Variants in CTNND2 observed in about 807,000 individuals in gnomAD.
CTNND2 encodes the protein catenin delta 2.
Under a neutral mutation model 144.4 loss-of-function variants are expected in CTNND2, and 22 were observed. The ratio of observed to expected loss-of-function variants is 0.15; its 90% confidence interval spans 0.11 to 0.22. The LOEUF is 0.22. Ranked by LOEUF, CTNND2 falls within the 10% of genes least tolerant of loss-of-function variation. The probability of loss-of-function intolerance (pLI) is 1.00; values close to 1 mark genes in which losing one functional copy is unlikely to be tolerated. For missense variants in CTNND2, 1,353 were observed against 1,618.8 expected, an observed-to-expected ratio of 0.84 and a Z score of 2.82; for synonymous variants, 751 against 695.6, an observed-to-expected ratio of 1.08 and a Z score of -1.25.
chr5:11,844,807 T>C (rs535650381), intron 1 of CTNND2, among the ~76,000 whole-genome samples: 1 of 152,242 alleles, frequency 6.6e-6, no homozygotes, highest in Non-Finnish European at 1.5e-5. Flanking sequence ...GTAAATTCCA[T>C]ATATACTAAG....
intron 2 of CTNND2, among the ~76,000 whole-genome samples, chr5:11,658,242 A>ATG (rs1360998409): frequency 3.3e-5 from 5 of 151,990 alleles, no homozygotes; most frequent in Non-Finnish European, 7.4e-5. Flanking sequence ...TCTTGTATGC[A>ATG]TGTGTGTGTG....
At chr5:11,254,293 A>G (rs1330964408) in intron 9 of CTNND2, among the ~76,000 whole-genome samples, 1 of 152,212 alleles carries the variant, frequency 6.6e-6, no homozygotes, top group Non-Finnish European at 1.5e-5. Flanking sequence ...CCCTGAATAC[A>G]TACCCTCTGC....
In CTNND2 at chr5:11,074,115, C is replaced by T. The variant is rs1295464552; in HGVS notation, c.2788+8581G>A. On this transcript the variant is annotated intron_variant, in intron 16 of 21. Transcript: ENST00000304623. The stretch of plus-strand genomic sequence containing the variant: ...TCTTTCCCTGGACGGAGGTGGGATT[C>T]GTCAGGGCCAAGAGCACAAGTAAAG... Among the ~76,000 whole-genome samples, 7 of 152,260 alleles carry T rather than the reference C, an allele frequency of 4.6e-5. No individual in the cohort carries two copies. The South Asian group carries it at 8.3e-4, about 18-fold the overall frequency.
At chr5:11,304,343 TTC>T (rs913487537) in intron 9 of CTNND2, among the ~76,000 whole-genome samples, 2 of 145,714 alleles carry the variant, frequency 1.4e-5, no homozygotes, top group African/African-American at 2.7e-5. Flanking sequence ...CACACACTCT[TTC>T]TCTCTCTCTT....
At chr5:11,641,653 TGTGTATATACATATAC>T (rs1561648507) in intron 2 of CTNND2, among the ~76,000 whole-genome samples, 2,794 of 150,274 alleles carry the variant, frequency 0.019, 180 homozygotes, top group African/African-American at 0.065. Context: ...TACATATACG[TGTGTATATACATATAC>T]GTGTGTATAT....
intron 3 of CTNND2, among the ~76,000 whole-genome samples, chr5:11,431,017 A>G (rs1200614547): frequency 6.6e-6 from 1 of 152,256 alleles, no homozygotes; most frequent in Non-Finnish European, 1.5e-5. Context: ...GAAAGAAACA[A>G]TGAATCTATA....
intron 7 of CTNND2, among the ~76,000 whole-genome samples, chr5:11,382,905 T>A (rs1758660071): frequency 6.6e-6 from 1 of 152,052 alleles, no homozygotes; most frequent in African/African-American, 2.4e-5. Context: ...TTGTCCCTTA[T>A]ACCTTCCCTG....
chr5:11,302,396 T>A (rs936331605), intron 9 of CTNND2, among the ~76,000 whole-genome samples: 5 of 152,050 alleles, frequency 3.3e-5, no homozygotes, highest in Non-Finnish European at 7.4e-5. Flanking sequence ...AGCTGAAGTC[T>A]CGGAGGGATG....
intron 9 of CTNND2, among the ~76,000 whole-genome samples, chr5:11,317,780 T>C (rs1236264043): frequency 6.6e-6 from 1 of 152,198 alleles, no homozygotes; most frequent in African/African-American, 2.4e-5. Flanking sequence ...GATTCTCTCA[T>C]GCTCAAGTAA....
intron 11 of CTNND2, among the ~76,000 whole-genome samples, chr5:11,186,856 C>T (rs1735679466): frequency 6.6e-6 from 1 of 152,196 alleles, no homozygotes; most frequent in Non-Finnish European, 1.5e-5. Context: ...AAGGACTACA[C>T]TAGTACCACA....
At chr5:11,569,335 G>T (rs1777378531) in intron 2 of CTNND2, among the ~76,000 whole-genome samples, 1 of 152,168 alleles carries the variant, frequency 6.6e-6, no homozygotes, top group African/African-American at 2.4e-5. Flanking sequence ...AAGTATTGGA[G>T]ATATGATGCA....
chr5:11,258,954 A>G (rs964823583), intron 9 of CTNND2, among the ~76,000 whole-genome samples: 2 of 152,164 alleles, frequency 1.3e-5, no homozygotes, highest in Non-Finnish European at 2.9e-5. Flanking sequence ...GAATCAGTGT[A>G]TCCTTTTTGT....
At chr5:10,986,389 C>A (rs1473957132) in intron 20 of CTNND2, among the ~76,000 whole-genome samples, 1 of 152,204 alleles carries the variant, frequency 6.6e-6, no homozygotes, top group Non-Finnish European at 1.5e-5. Flanking sequence ...GTCGATCTCA[C>A]AACTGTTCCT....
At chr5:11,484,810 AG>A (rs1478150061) in intron 3 of CTNND2, among the ~76,000 whole-genome samples, 1 of 152,216 alleles carries the variant, frequency 6.6e-6, no homozygotes, top group Non-Finnish European at 1.5e-5. Flanking sequence ...AAGACAGAAC[AG>A]TATACAAAAA....
At chr5:11,876,037 G>A (rs1364540734) in intron 1 of CTNND2, among the ~76,000 whole-genome samples, 1 of 152,182 alleles carries the variant, frequency 6.6e-6, no homozygotes, top group Admixed American at 6.5e-5. Context: ...GCTATAGCAT[G>A]ACTAAGTAAC....
chr5:11,755,036 C>G (rs1788857555), intron 1 of CTNND2, among the ~76,000 whole-genome samples: 1 of 151,574 alleles, frequency 6.6e-6, no homozygotes, highest in African/African-American at 2.4e-5. Flanking sequence ...TATAGTGTCA[C>G]TGATTTATGT....
At chr5:11,295,642 C>T (rs1340165089) in intron 9 of CTNND2, among the ~76,000 whole-genome samples, 5 of 152,088 alleles carry the variant, frequency 3.3e-5, no homozygotes, top group Admixed American at 6.5e-5. Context: ...GAGATATAGA[C>T]AAATGGAACA....
intron 2 of CTNND2, among the ~76,000 whole-genome samples, chr5:11,709,063 G>C (rs763849278): frequency 5.9e-5 from 9 of 152,206 alleles, no homozygotes; most frequent in Admixed American, 2.0e-4. Flanking sequence ...TATCCTGTAA[G>C]ATTGAAGAAT....
At chr5:11,220,275 G>A (rs929901076) in intron 10 of CTNND2, among the ~76,000 whole-genome samples, 2 of 152,160 alleles carry the variant, frequency 1.3e-5, no homozygotes, top group African/African-American at 4.8e-5. Flanking sequence ...CAGTGAAGAG[G>A]AAAGAAGGAA....
Sources: gnomAD v4.1 joint callset for allele counts (sites outside exome capture counted in the v4.1 genomes callset) on GRCh38, gnomAD v4.1.1 for gene constraint, MANE v1.5 for transcripts, NCBI Gene and HGNC (gene_info 2026-07-23, HGNC 2026-07-21) for gene names.